CNTNAP2: variants seen among roughly 807,000 people sequenced by gnomAD.
The protein encoded by CNTNAP2 is contactin-associated protein-like 2.
Under a neutral mutation model 155.2 loss-of-function variants are expected in CNTNAP2, and 98 were observed. The observed-to-expected ratio is 0.63, with a 90% CI of 0.54 to 0.75. The LOEUF (loss-of-function observed/expected upper bound fraction) is 0.75, where lower values mean the gene tolerates loss of function less well. CNTNAP2 is among the 30% of genes least tolerant of loss of function. The pLI is 0.00. For missense variants in CNTNAP2, 1,727 were observed against 1,688.1 expected (o/e 1.02, Z -0.40); for synonymous variants, 651 against 631.2 (o/e 1.03, Z -0.47).
intron 15 of CNTNAP2, among the ~76,000 whole-genome samples, chr7:148,054,399 G>A (rs1802968629): frequency 6.8e-6 from 1 of 146,870 alleles, no homozygotes; most frequent in African/African-American, 2.5e-5. Flanking sequence ...AATGGGACTA[G>A]ACTATACAGT....
chr7:147,422,090 C>T (rs573436698), intron 10 of CNTNAP2, among the ~76,000 whole-genome samples: 1 of 133,582 alleles, frequency 7.5e-6, no homozygotes, highest in South Asian at 2.3e-4. Flanking sequence ...TGTGTAACTA[C>T]AGTATATATA....
At chr7:147,044,678 A>G (rs1057211467) in intron 4 of CNTNAP2, among the ~76,000 whole-genome samples, 1 of 152,176 alleles carries the variant, frequency 6.6e-6, no homozygotes, top group Non-Finnish European at 1.5e-5. Context: ...GGATTCCAAC[A>G]TATGAATTTG....
At chr7:146,886,035 T>C (rs1795651428) in intron 3 of CNTNAP2, among the ~76,000 whole-genome samples, 1 of 151,720 alleles carries the variant, frequency 6.6e-6, no homozygotes, top group Admixed American at 6.6e-5. Context: ...TACAAATTAC[T>C]CTAAAACGAT....
intron 1 of CNTNAP2, among the ~76,000 whole-genome samples, chr7:146,426,787 C>T (rs907422228): frequency 2.6e-5 from 4 of 151,960 alleles, no homozygotes; most frequent in Middle Eastern, 3.4e-3. Context: ...TTATACATCA[C>T]GGGGACTACA....
At chr7:146,978,769 A>G (rs1434947538) in intron 3 of CNTNAP2, among the ~76,000 whole-genome samples, 1 of 151,842 alleles carries the variant, frequency 6.6e-6, no homozygotes, top group South Asian at 2.1e-4. Context: ...ATTAATAGAA[A>G]TGAGTATTAC....
intron 1 of CNTNAP2, among the ~76,000 whole-genome samples, chr7:146,681,767 C>G (rs1167615748): frequency 6.6e-6 from 1 of 152,062 alleles, no homozygotes; most frequent in Non-Finnish European, 1.5e-5. Context: ...TACCCCTGAA[C>G]ATAAAATAAA....
chr7:148,010,736 G>T (rs551663386), intron 15 of CNTNAP2, among the ~76,000 whole-genome samples: 32 of 151,790 alleles, frequency 2.1e-4, no homozygotes, highest in African/African-American at 6.5e-4. Flanking sequence ...AAAGTACAGA[G>T]ATTTCACATT....
chr7:147,853,740 C>A (rs1225629819), intron 13 of CNTNAP2, among the ~76,000 whole-genome samples: 1 of 152,170 alleles, frequency 6.6e-6, no homozygotes, highest in Non-Finnish European at 1.5e-5. Context: ...TCTATAAATA[C>A]TAACCTTTAT....
chr7:147,430,868 T>G (rs1366621675), intron 10 of CNTNAP2, among the ~76,000 whole-genome samples: 3 of 151,806 alleles, frequency 2.0e-5, no homozygotes, highest in Admixed American at 2.0e-4. Context: ...ATCGAGACCA[T>G]CCTGGCTAAC....
chr7:146,292,215 T>C (rs1800440180), intron 1 of CNTNAP2, among the ~76,000 whole-genome samples: 1 of 152,068 alleles, frequency 6.6e-6, no homozygotes, highest in African/African-American at 2.4e-5. Flanking sequence ...GTTGTTCCCC[T>C]CCCTTTGTGC....
At chr7:146,381,251 C>T (rs1261516291) in intron 1 of CNTNAP2, among the ~76,000 whole-genome samples, 1 of 152,100 alleles carries the variant, frequency 6.6e-6, no homozygotes, top group African/African-American at 2.4e-5. Context: ...GAGATTGCTA[C>T]ATAGGAAATA....
intron 16 of CNTNAP2, among the ~76,000 whole-genome samples, chr7:148,125,689 G>GTGTGTA (rs1204947139): frequency 2.5e-5 from 3 of 118,516 alleles, no homozygotes; most frequent in Non-Finnish European, 3.6e-5. Flanking sequence ...GTGTGTGTGT[G>GTGTGTA]TATATATATA....
At chr7:147,689,873 C>T (rs1045270938) in intron 13 of CNTNAP2, among the ~76,000 whole-genome samples, 2 of 152,144 alleles carry the variant, frequency 1.3e-5, no homozygotes, top group Admixed American at 6.6e-5. Context: ...GATTTGACCC[C>T]GATGACTTGT....
At chr7:147,766,349 A>G (rs1016838585) in intron 13 of CNTNAP2, among the ~76,000 whole-genome samples, 1 of 152,166 alleles carries the variant, frequency 6.6e-6, no homozygotes, top group African/African-American at 2.4e-5. Flanking sequence ...AGCCTATGGA[A>G]TCAATTCTTC....
rs530693137 is a variant in CNTNAP2, at chr7:147,927,565, T to C, written c.2255+23844T>C. On this transcript the variant is annotated intron_variant, in intron 14 of 23. Coordinates refer to ENST00000361727, the MANE Select transcript of CNTNAP2 (RefSeq NM_014141.6). ...AAAAGAATTGGTAGGCATAGGCTAG[T>C]AAATTGACCAATATCTTCATTTGCT... Among the ~76,000 whole-genome samples the C allele has an allele frequency of 1.5e-4, 23 of 152,352 alleles. 1 individual carries two copies. Among genetic ancestry groups the C allele is most frequent in the Admixed American group, 5.2e-4 (8 of 15,300 alleles).
At chr7:146,309,548 T>C (rs1305312831) in intron 1 of CNTNAP2, among the ~76,000 whole-genome samples, 2 of 152,084 alleles carry the variant, frequency 1.3e-5, no homozygotes, top group East Asian at 3.9e-4. Flanking sequence ...ATGCATGTAA[T>C]CCCAGCATTT....
chr7:146,393,968 C>T (rs1339247522), intron 1 of CNTNAP2, among the ~76,000 whole-genome samples: 1 of 152,080 alleles, frequency 6.6e-6, no homozygotes, highest in East Asian at 1.9e-4. Context: ...ATATTGTTAA[C>T]AGGTATTCTA....
chr7:146,355,701 C>T (rs986585304), intron 1 of CNTNAP2, among the ~76,000 whole-genome samples: 1 of 152,068 alleles, frequency 6.6e-6, no homozygotes, highest in Non-Finnish European at 1.5e-5. Flanking sequence ...GTCCACAATA[C>T]TTTTGTGAAA....
chr7:147,686,653 G>A (rs899772681), intron 13 of CNTNAP2, among the ~76,000 whole-genome samples: 1 of 151,992 alleles, frequency 6.6e-6, no homozygotes, highest in Admixed American at 6.6e-5. Context: ...AGAAGACTGA[G>A]AAGGAACAGC....
Sources: gnomAD v4.1 joint callset for allele counts (sites outside exome capture counted in the v4.1 genomes callset) on GRCh38, gnomAD v4.1.1 for gene constraint, MANE v1.5 for transcripts, NCBI Gene and HGNC (gene_info 2026-07-23, HGNC 2026-07-21) for gene names.